LOXL2: variants seen among roughly 807,000 people sequenced by gnomAD.
The protein encoded by LOXL2 is lysyl oxidase like 2, also known as lysyl oxidase homolog 2.
Under a neutral mutation model 93.0 loss-of-function variants are expected in LOXL2, and 70 were observed. That is an observed-to-expected ratio of 0.75 (90% CI 0.62 to 0.92). The LOEUF (loss-of-function observed/expected upper bound fraction) is 0.92. Ranked by LOEUF, LOXL2 falls within the 40% of genes least tolerant of loss-of-function variation. The probability of loss-of-function intolerance (pLI) is 0.00; values close to 1 mark genes in which losing one functional copy is unlikely to be tolerated. For synonymous variants in LOXL2, 438 were observed against 413.2 expected (o/e 1.06, Z -0.73); for missense variants, 973 against 1,054.9 (o/e 0.92, Z 1.08).
Position 23,302,142 on chromosome 8 carries a change from C to T in LOXL2, c.2018G>A (p.Cys673Tyr). ...CEGDIQKNYE[C>Y]ANFGDQGITM... Reference sequence around the variant, plus strand: ...GATGCCCTGATCGCCGAAGTTGGCACACTCGTAATTCTTCTGGATGTCTGC... The same window carrying T: ...GATGCCCTGATCGCCGAAGTTGGCATACTCGTAATTCTTCTGGATGTCTGC... Residue 673 changes from cysteine (C) to tyrosine (Y), a missense_variant, in exon 12 of 14, where the codon TGT (cysteine) becomes TAT (tyrosine). Coordinates refer to ENST00000389131, the MANE Select transcript of LOXL2 (RefSeq NM_002318.3). The T allele has an allele frequency of 6.2e-7, 1 of 1,614,156 alleles. No individual in the cohort carries two copies. The highest frequency in any genetic ancestry group is 8.5e-7 in the Non-Finnish European group (1 of 1,180,006).
chr8:23,301,539 T>C (rs1187952882), intron 12 of LOXL2, among the ~76,000 whole-genome samples: 6 of 152,208 alleles, frequency 3.9e-5, no homozygotes, highest in Admixed American at 2.0e-4. Flanking sequence ...GATCCTCCTC[T>C]ATGAGGCAGA....
At chr8:23,304,813 C>T (rs925296717) in intron 10 of LOXL2, among the ~76,000 whole-genome samples, 1 of 152,188 alleles carries the variant, frequency 6.6e-6, no homozygotes, top group Non-Finnish European at 1.5e-5. Flanking sequence ...TTCCCCAGCC[C>T]CCTGCCCTTG....
At chr8:23,354,932 AATAT>A (rs770424807) in intron 3 of LOXL2, among the ~76,000 whole-genome samples, 1 of 59,188 alleles carries the variant, frequency 1.7e-5, no homozygotes, top group East Asian at 3.9e-4. Flanking sequence ...TGGGAGTTGG[AATAT>A]ATATATATAT....
At chr8:23,351,835 G>A (rs752610236) in intron 3 of LOXL2, among the ~76,000 whole-genome samples, 6 of 152,074 alleles carry the variant, frequency 3.9e-5, no homozygotes, top group Non-Finnish European at 8.8e-5. Flanking sequence ...GTGAGGGCTA[G>A]ACAGGATCTT....
intron 1 of LOXL2, among the ~76,000 whole-genome samples, chr8:23,390,642 AAG>A (rs1804831231): frequency 2.6e-5 from 4 of 152,224 alleles, no homozygotes; most frequent in African/African-American, 9.6e-5. Flanking sequence ...TACAGTTTCA[AAG>A]ACTTTAAAAT....
At position 23,316,976 on chromosome 8, in the gene LOXL2, A is replaced by C; in HGVS notation, c.1609T>G (p.Tyr537Asp). The C allele has an allele frequency of 6.2e-7, 1 of 1,612,782 alleles. No homozygotes were observed. Residue 537 changes from tyrosine (Y) to aspartate (D), a missense_variant, in exon 9 of 14, where the codon TAC (tyrosine) becomes GAC (aspartate). Tyr to Asp is a radical substitution (Grantham distance 160). Transcript: ENST00000389131. ...DVACPQGGVQ[Y>D]GAGVACSETA... is the part of the protein sequence containing the mutation. The stretch of plus-strand genomic sequence containing the variant: ...TCTGAGCAGGCAACTCCGGCCCCGT[A>C]CTGCACTCCGCCCTGGGGGCAGGCC...
chr8:23,329,544 G>A (rs535886001), intron 5 of LOXL2, among the ~76,000 whole-genome samples: 21 of 150,038 alleles, frequency 1.4e-4, no homozygotes, highest in Non-Finnish European at 3.1e-4. Flanking sequence ...TGTGTGGCAC[G>A]TGTGTGTGTA....
rs1197317581 is a variant in LOXL2 at position 23,302,073 on chromosome 8, T to C, written c.2087A>G (p.Gln696Arg). 1 of 1,614,118 alleles carries C rather than the reference T, an allele frequency of 6.2e-7. No homozygotes were observed. ...WDMYRHDIDC[Q>R]WVDITDVPPG... ...GGGCACGTCAGTGATGTCAACCCACTGGCAGTCGATGTCATGGCGGTACAT... is the reference window on the plus strand; with the variant it reads ...GGGCACGTCAGTGATGTCAACCCACCGGCAGTCGATGTCATGGCGGTACAT... The change falls in exon 12 of 14, where the codon CAG (glutamine) becomes CGG (arginine). Residue 696 changes from glutamine (Q) to arginine (R), a missense_variant. By Grantham distance (43) the Gln-to-Arg change is conservative. Transcript: ENST00000389131.
At chr8:23,330,205 G>A (rs1803649031) in intron 5 of LOXL2, among the ~76,000 whole-genome samples, 1 of 152,178 alleles carries the variant, frequency 6.6e-6, no homozygotes, top group Non-Finnish European at 1.5e-5. Flanking sequence ...GCGGTGGCGG[G>A]TGCCTGTAGT....
At chr8:23,334,598 T>C (rs1803759859) in intron 4 of LOXL2, among the ~76,000 whole-genome samples, 1 of 152,156 alleles carries the variant, frequency 6.6e-6, no homozygotes, top group Admixed American at 6.5e-5. Context: ...AGGAAGCCCT[T>C]AGCCTGTATT....
Position 23,328,521 on chromosome 8 carries a change from G to A in LOXL2, c.1011C>T (p.Gly337=), listed in dbSNP as rs1389292641. 3 of 1,613,908 alleles carry A rather than the reference G, an allele frequency of 1.9e-6. No individual in the cohort carries two copies. Residue 337 remains glycine, a synonymous_variant, in exon 6 of 14, where the codon GGC becomes GGT. Coordinates refer to ENST00000389131, the MANE Select transcript of LOXL2 (RefSeq NM_002318.3). ...RLRGGAYIGE[G]RVEVLKNGEW... ...CTCCATTTTTGAGCACCTCCACGCG[G>A]CCCTCCCCGATGTAGGCACCGCCTC...
At chr8:23,397,368 A>G (rs983309816) in intron 1 of LOXL2, among the ~76,000 whole-genome samples, 1 of 152,186 alleles carries the variant, frequency 6.6e-6, no homozygotes, top group African/African-American at 2.4e-5. Flanking sequence ...TATGTTACGT[A>G]TATTTTACCA....
At chr8:23,309,201 G>C (rs1406136246) in intron 10 of LOXL2, among the ~76,000 whole-genome samples, 1 of 151,950 alleles carries the variant, frequency 6.6e-6, no homozygotes, top group Non-Finnish European at 1.5e-5. Context: ...GCCAGAATGG[G>C]CTTGATCTCC....
intron 5 of LOXL2, among the ~76,000 whole-genome samples, chr8:23,330,283 G>T (rs192739934): frequency 2.0e-5 from 3 of 152,354 alleles, no homozygotes; most frequent in East Asian, 3.9e-4. Context: ...GCAGTGAGCC[G>T]AGATTGCGCC....
chr8:23,360,061 G>A (rs775135660), intron 3 of LOXL2, 29 bp downstream of exon 3: 6 of 1,576,044 alleles, frequency 3.8e-6, no homozygotes, highest in Non-Finnish European at 5.2e-6. Flanking sequence ...ATGTTTGCAT[G>A]AAGGAAACAT....
At chr8:23,394,453 T>C (rs921127613) in intron 1 of LOXL2, among the ~76,000 whole-genome samples, 3 of 137,526 alleles carry the variant, frequency 2.2e-5, no homozygotes, top group African/African-American at 8.1e-5. Context: ...AAAACTTAAA[T>C]AGACACTTCC....
intron 1 of LOXL2, among the ~76,000 whole-genome samples, chr8:23,387,523 G>A (rs1194338937): frequency 1.3e-5 from 2 of 152,204 alleles, no homozygotes; most frequent in East Asian, 3.8e-4. Context: ...AAACGGCATG[G>A]ACTAGCGGCT....
rs557484818 is a variant in LOXL2 at position 23,370,225 on chromosome 8, A to T, written c.-83-1791T>A. Among the ~76,000 whole-genome samples, 37 of 152,084 alleles carry T rather than the reference A, an allele frequency of 2.4e-4. 1 individual carries two copies. Among genetic ancestry groups the T allele is most frequent in the African/African-American group, 8.4e-4 (35 of 41,472 alleles). ...GCCTATACCAGCTTCAGCTTTTGAC[A>T]CCTAGAACAACGCGCCTCCATCCCC... On this transcript the variant is annotated intron_variant, in intron 1 of 13. Transcript: ENST00000389131.
chr8:23,358,671 A>C (rs919993982), intron 3 of LOXL2, among the ~76,000 whole-genome samples: 1 of 152,232 alleles, frequency 6.6e-6, no homozygotes, highest in South Asian at 2.1e-4. Flanking sequence ...GTTTGGATAA[A>C]GAATTTGCTG....
Sources: gnomAD v4.1 joint callset for allele counts (sites outside exome capture counted in the v4.1 genomes callset) on GRCh38, gnomAD v4.1.1 for gene constraint, MANE v1.5 for transcripts, NCBI Gene and HGNC (gene_info 2026-07-23, HGNC 2026-07-21) for gene names.